Variants in MALAT1 observed in about 807,000 individuals in gnomAD.
MALAT1 encodes the protein metastasis associated lung adenocarcinoma transcript 1.
chr11:65,500,611 AAG>A (rs1565051688), exon 3 of MALAT1: 1 of 518,920 alleles, frequency 1.9e-6, no homozygotes, highest in South Asian at 1.4e-5. Context: ...AGCTAGGAAA[AAG>A]GATTCCAGGA....
At chr11:65,505,943 C>T (rs765820140) in intron 3 of MALAT1, 3 of 436,786 alleles carry the variant, frequency 6.9e-6, no homozygotes, top group Non-Finnish European at 1.3e-5. Flanking sequence ...TCTGCTAAGA[C>T]TTTTTCAGGT....
chr11:65,499,243 A>G (rs778074795), exon 3 of MALAT1: 2 of 505,672 alleles, frequency 4.0e-6, no homozygotes, highest in Middle Eastern at 3.2e-4. Flanking sequence ...AAGAGAAAAT[A>G]TGAAGACTTA....
intron 3 of MALAT1, chr11:65,505,742 A>AGG (rs1396162092): frequency 1.9e-6 from 1 of 519,034 alleles, no homozygotes; most frequent in Non-Finnish European, 3.8e-6. Flanking sequence ...TGTTAACAGA[A>AGG]GGGTATTAAA....
Position 65,499,293 on chromosome 11 carries a change from A to G in MALAT1, n.556A>G, listed in dbSNP as rs77934931. On this transcript the variant is annotated non_coding_transcript_exon_variant, in exon 3 of 4. Coordinates refer to ENST00000619449, the Ensembl canonical transcript of MALAT1. ...GGAAGGAAAAGATAAAAGGTTTCTAAAACATGACGGAGGTTGAGATGAAGC... is the reference window on the plus strand; with the variant it reads ...GGAAGGAAAAGATAAAAGGTTTCTAGAACATGACGGAGGTTGAGATGAAGC... The G allele has an allele frequency of 5.6e-4, 287 of 512,560 alleles. 1 individual carries two copies. The East Asian group carries it at 0.014, about 25-fold the overall frequency. 31.8% of individuals were successfully genotyped at this position (512,560 alleles called of 1,614,324 possible).
exon 1 of MALAT1, chr11:65,497,767 G>T: frequency 2.2e-6 from 1 of 460,510 alleles, no homozygotes; most frequent in Non-Finnish European, 4.3e-6. Flanking sequence ...CTTCTGTAAA[G>T]GACTGGGGCC....
chr11:65,499,674 C>T (rs1294501331), exon 3 of MALAT1: 1 of 434,010 alleles, frequency 2.3e-6, no homozygotes, highest in South Asian at 1.7e-5. Context: ...AACTGGAAGA[C>T]AGAAGTACGG....
intron 3 of MALAT1, chr11:65,506,021 C>T (rs1235203893): frequency 2.2e-6 from 1 of 458,108 alleles, no homozygotes; most frequent in Non-Finnish European, 4.2e-6. Context: ...TCAGTAGGGT[C>T]ATGAAGGTTT....
chr11:65,503,369 G>A (rs1384413884), exon 3 of MALAT1: 1 of 518,822 alleles, frequency 1.9e-6, no homozygotes, highest in South Asian at 1.4e-5. Context: ...GTTCCTGTGG[G>A]CTTCAGTGAT....
At chr11:65,501,724 C>T in exon 3 of MALAT1, 1 of 518,980 alleles carries the variant, frequency 1.9e-6, no homozygotes, top group South Asian at 1.4e-5. Flanking sequence ...AAAAGTACAG[C>T]ACAGTGCAGC....
At chr11:65,505,388 T>G (rs764957157) in intron 3 of MALAT1, 3 of 516,482 alleles carry the variant, frequency 5.8e-6, no homozygotes, top group Admixed American at 2.0e-5. Context: ...ACCCCTGGGC[T>G]TCTCTTAACA....
In MALAT1 at chr11:65,498,097, A is replaced by C. The variant is rs1398595383; in HGVS notation, n.178+232A>C. 5.8e-6 allele frequency: 3 copies of C among 518,778 alleles called. No homozygotes were observed. In the Admixed American group the frequency reaches 5.8e-5, roughly 10 times the overall value. The allele number at this position is 518,778 out of a possible 1,614,324, so 32.1% of individuals were successfully genotyped here. A position where few individuals can be genotyped will look rare whatever the true frequency, so the allele number is the denominator to read the frequency against. On this transcript the variant is annotated intron_variant and non_coding_transcript_variant, in intron 1 of 3. Coordinates refer to ENST00000619449, the Ensembl canonical transcript of MALAT1. ...AAGCTCATACCTAACCAGGCATAAC[A>C]CAGAATCTGCAAAACAAAAACCCCT...
chr11:65,500,809 CTTAT>C (rs1590702130), exon 3 of MALAT1: 1 of 518,764 alleles, frequency 1.9e-6, no homozygotes, highest in Non-Finnish European at 3.8e-6. Context: ...CTGGAACTTA[CTTAT>C]GGTAACCTTT....
At chr11:65,498,392 CCCCCGGGGCTCAGGCGGGGAG>C in intron 1 of MALAT1, 1 of 518,336 alleles carries the variant, frequency 1.9e-6, no homozygotes, top group Non-Finnish European at 3.9e-6. Flanking sequence ...CAGCCAACGG[CCCCCGGGGCTCAGGCGGGGAG>C]CAGCTCTGTG....
intron 3 of MALAT1, chr11:65,505,232 GGA>G (rs1491214780): frequency 1.9e-6 from 1 of 518,418 alleles, no homozygotes; most frequent in Non-Finnish European, 3.9e-6. Flanking sequence ...GGACAACCAT[GGA>G]GCCTTCCTGT....
chr11:65,499,355 TGAGA>T (rs1431644770), exon 3 of MALAT1: 2 of 494,390 alleles, frequency 4.0e-6, no homozygotes, highest in African/African-American at 2.0e-5. Context: ...AAAAGAAAAT[TGAGA>T]GAAAGGACTA....
intron 3 of MALAT1, chr11:65,505,128 TGTTGGC>T: frequency 3.9e-6 from 2 of 518,860 alleles, no homozygotes; most frequent in South Asian, 1.4e-5. Flanking sequence ...GAGCAAACTG[TGTTGGC>T]GTGGGGGTGG....
At chr11:65,502,826 AAAT>A (rs1565054133) in exon 3 of MALAT1, 1 of 506,942 alleles carries the variant, frequency 2.0e-6, no homozygotes, top group African/African-American at 1.9e-5. Flanking sequence ...ATATGCCAAA[AAAT>A]TTTAAGCAAA....
chr11:65,498,172 T>G (rs748480454), intron 1 of MALAT1: 21 of 518,852 alleles, frequency 4.0e-5, no homozygotes, highest in Non-Finnish European at 2.3e-5. Context: ...TGTCCCTGAC[T>G]GGCTGCCCAA....
intron 3 of MALAT1, chr11:65,505,856 G>C (rs373747350): frequency 2.0e-4 from 94 of 467,280 alleles, no homozygotes; most frequent in Non-Finnish European, 3.8e-5. Context: ...TGCTGGGTGG[G>C]AACATGTAAC....
Sources: gnomAD v4.1 joint callset for allele counts on GRCh38, gnomAD v4.1.1 for gene constraint, MANE v1.5 for transcripts, NCBI Gene and HGNC (gene_info 2026-07-23, HGNC 2026-07-21) for gene names.